NFIB: variants seen among roughly 807,000 people sequenced by gnomAD.
The protein encoded by NFIB is nuclear factor I B.
Under a neutral mutation model 61.5 loss-of-function variants are expected in NFIB, and 11 were observed. The ratio of observed to expected loss-of-function variants is 0.18; its 90% confidence interval spans 0.11 to 0.30. The LOEUF is 0.30. Among genes scored for constraint, NFIB ranks in the 10% least tolerant of loss-of-function variants. The probability of loss-of-function intolerance (pLI) is 1.00; values close to 1 mark genes in which losing one functional copy is unlikely to be tolerated. For synonymous variants in NFIB, 260 were observed against 216.5 expected (o/e 1.20, Z -1.76); for missense variants, 471 against 608.9 (o/e 0.77, Z 2.38).
chr9:14,519,813 C>G, the NFIB span, among the ~76,000 whole-genome samples: 1 of 152,208 alleles, frequency 6.6e-6, no homozygotes, highest in Non-Finnish European at 1.5e-5. Flanking sequence ...CTCAAGTTTA[C>G]CTAGCTGGGC....
At chr9:14,166,419 A>G (rs1011424100) in intron 3 of NFIB, among the ~76,000 whole-genome samples, 6 of 152,200 alleles carry the variant, frequency 3.9e-5, no homozygotes, top group Admixed American at 1.3e-4. Flanking sequence ...AATTTCAAGT[A>G]TTCTCCCACT....
chr9:14,415,950 G>A, the NFIB span, among the ~76,000 whole-genome samples: 5,632 of 152,238 alleles, frequency 0.037, 344 homozygotes, highest in African/African-American at 0.13. Flanking sequence ...GATAACTCTA[G>A]TCTCCTTTAA....
chr9:14,287,617 G>T (rs1306981295), intron 2 of NFIB, among the ~76,000 whole-genome samples: 1 of 151,714 alleles, frequency 6.6e-6, no homozygotes, highest in Non-Finnish European at 1.5e-5. Context: ...TAGAGACGGG[G>T]TTTCACCATG....
At chr9:14,239,014 G>A (rs1476611159) in intron 2 of NFIB, among the ~76,000 whole-genome samples, 1 of 152,106 alleles carries the variant, frequency 6.6e-6, no homozygotes, top group Non-Finnish European at 1.5e-5. Flanking sequence ...TTCAAAAGCT[G>A]TTATGTTATA....
chr9:14,125,962 C>A (rs1034554724), intron 6 of NFIB, among the ~76,000 whole-genome samples, 196 bp from the exon 7 acceptor site: 2 of 152,204 alleles, frequency 1.3e-5, no homozygotes, highest in Non-Finnish European at 2.9e-5. Flanking sequence ...TGGAAGCTAG[C>A]AGAAGCCTTC....
At chr9:14,225,720 A>G (rs2052315569) in intron 2 of NFIB, among the ~76,000 whole-genome samples, 1 of 152,174 alleles carries the variant, frequency 6.6e-6, no homozygotes, top group Admixed American at 6.5e-5. Flanking sequence ...ATTTGACTCT[A>G]TCAGAGTATC....
chr9:14,418,865 G>A, the NFIB span, among the ~76,000 whole-genome samples: 2 of 152,120 alleles, frequency 1.3e-5, no homozygotes, highest in Non-Finnish European at 2.9e-5. Context: ...AAGTCAGAGT[G>A]TACATTTGAC....
chr9:14,372,490 T>A (rs2061369092), intron 1 of NFIB, among the ~76,000 whole-genome samples: 1 of 152,264 alleles, frequency 6.6e-6, no homozygotes, highest in Non-Finnish European at 1.5e-5. Flanking sequence ...AGCACTTTGA[T>A]GTTCTTTTTC....
chr9:14,352,102 A>G lies in NFIB; in HGVS notation c.109-44582T>C, dbSNP rs2061119526. ...ATGTTACATAAGTCATCTTTGCAGC[A>G]ACGCTAAAGAGCATCATTAACCCCA... On this transcript the variant is annotated intron_variant, in intron 1 of 8. Coordinates refer to the NFIB transcript ENST00000380934. 2.6e-5 allele frequency among the ~76,000 whole-genome samples: 4 copies of G among 152,202 alleles called. No individual in the cohort carries two copies. In the South Asian group the frequency reaches 8.3e-4, roughly 31 times the overall value.
chr9:14,386,013 C>T (rs550146841), intron 1 of NFIB, among the ~76,000 whole-genome samples: 2 of 152,178 alleles, frequency 1.3e-5, no homozygotes, highest in East Asian at 3.9e-4. Context: ...AAACTCCTGA[C>T]CTCAGGTGAT....
At chr9:14,223,544 A>C (rs2051976493) in intron 2 of NFIB, among the ~76,000 whole-genome samples, 1 of 152,154 alleles carries the variant, frequency 6.6e-6, no homozygotes, top group Non-Finnish European at 1.5e-5. Context: ...CTAATTATTT[A>C]ATAATTACAC....
chr9:14,304,168 T>G (rs545783447), intron 2 of NFIB, among the ~76,000 whole-genome samples: 2 of 152,200 alleles, frequency 1.3e-5, no homozygotes, highest in Non-Finnish European at 2.9e-5. Flanking sequence ...TGTAGCACTA[T>G]AGCTTGTGTC....
rs541819291 is a variant in NFIB at position 14,298,548 on chromosome 9, G to A, written c.562+8441C>T. ...ACTATGCCCCACCTCTTGTAGCAAG[G>A]AGGGCTGCAAATTTGTCCCCATCAC... On this transcript the variant is annotated intron_variant, in intron 2 of 10. Transcript: ENST00000380953. 2.6e-5 allele frequency among the ~76,000 whole-genome samples: 4 copies of A among 152,166 alleles called. No homozygotes were observed. In the South Asian group the frequency reaches 8.3e-4, roughly 32 times the overall value.
intron 2 of NFIB, among the ~76,000 whole-genome samples, chr9:14,293,707 C>T (rs1032216155): frequency 6.6e-6 from 1 of 152,154 alleles, no homozygotes; most frequent in African/African-American, 2.4e-5. Context: ...ACAGCCTTAT[C>T]AATGCCAGAT....
At chr9:14,284,063 G>A (rs2058555906) in intron 2 of NFIB, among the ~76,000 whole-genome samples, 1 of 152,130 alleles carries the variant, frequency 6.6e-6, no homozygotes, top group African/African-American at 2.4e-5. Context: ...GAGCTGGGAA[G>A]GGGCAGTCAT....
chr9:14,345,098 C>G (rs926796243), intron 1 of NFIB, among the ~76,000 whole-genome samples: 1 of 152,158 alleles, frequency 6.6e-6, no homozygotes, highest in Non-Finnish European at 1.5e-5. Context: ...CCTGGGGGAA[C>G]TGGCCATTAA....
At chr9:14,268,873 A>C (rs925643754) in intron 2 of NFIB, among the ~76,000 whole-genome samples, 1 of 152,212 alleles carries the variant, frequency 6.6e-6, no homozygotes, top group Non-Finnish European at 1.5e-5. Flanking sequence ...AATTAGAAGT[A>C]CTAAAGAGAT....
intron 2 of NFIB, among the ~76,000 whole-genome samples, chr9:14,281,634 G>C (rs1020173601): frequency 6.6e-6 from 1 of 152,182 alleles, no homozygotes; most frequent in African/African-American, 2.4e-5. Context: ...AAACCATGCA[G>C]AGATAAACTG....
At chr9:14,179,594 A>C in intron 3 of NFIB, 133 bp downstream of exon 3, 1 of 819,334 alleles carries the variant, frequency 1.2e-6, no homozygotes, top group East Asian at 2.7e-5. Flanking sequence ...AAGCACAATC[A>C]CATCTTGTCC....
Sources: gnomAD v4.1 joint callset for allele counts (sites outside exome capture counted in the v4.1 genomes callset) on GRCh38, gnomAD v4.1.1 for gene constraint, MANE v1.5 for transcripts, NCBI Gene and HGNC (gene_info 2026-07-23, HGNC 2026-07-21) for gene names.